The following POLD1 variants were observed in gnomAD, a reference collection of about 807,000 sequenced individuals.
The protein encoded by POLD1 is DNA polymerase delta 1, catalytic subunit, also known as DNA polymerase delta catalytic subunit.
POLD1 carries 79 observed loss-of-function variants against 129.7 expected under a neutral mutation model. That is an observed-to-expected ratio of 0.61 (90% confidence interval 0.51 to 0.73). The LOEUF (loss-of-function observed/expected upper bound fraction) is 0.73. Ranked by LOEUF, POLD1 falls within the 30% of genes least tolerant of loss-of-function variation. The pLI is 0.00. For synonymous variants in POLD1, 714 were observed against 683.3 expected (o/e 1.04, Z -0.70); for missense variants, 1,338 against 1,595.8 (o/e 0.84, Z 2.75).
intron 3 of POLD1, among the ~76,000 whole-genome samples, chr19:50,400,394 T>C (rs2122213767): frequency 6.6e-6 from 1 of 150,630 alleles, no homozygotes; most frequent in East Asian, 2.0e-4. Context: ...CTAATTTTTA[T>C]ATTTTTAGTA....
At chr19:50,399,143 G>A in intron 2 of POLD1, 90 bp downstream of exon 2, 1 of 1,540,904 alleles carries the variant, frequency 6.5e-7, no homozygotes, top group Non-Finnish European at 8.8e-7. Flanking sequence ...GCTGACCTGT[G>A]ACCCCACTCT....
At chr19:50,407,207 C>CA (rs765153237) in intron 13 of POLD1, 33 bp downstream of exon 13, 4 of 1,581,178 alleles carry the variant, frequency 2.5e-6, no homozygotes, top group Non-Finnish European at 3.5e-6. Flanking sequence ...CGCCACCCCC[C>CA]ACCAGGCACG....
chr19:50,386,212 T>C (rs529975278), intron 1 of POLD1, among the ~76,000 whole-genome samples: 15 of 151,976 alleles, frequency 9.9e-5, no homozygotes, highest in Non-Finnish European at 2.1e-4. Context: ...CGATCTCGGC[T>C]CACTAACCTC....
rs372985828 is a variant in POLD1, at chr19:50,402,009, C to G, written c.474C>G (p.Pro158=). The change falls in exon 5 of 27, where the codon CCC becomes CCG. Residue 158 remains proline, a synonymous_variant. Transcript: ENST00000440232. The part of the protein sequence containing the change: ...FYTPAPPGFG[P]EHMGDLQREL... ...TCCCTCCCACACCAGGTTTCGGGCC[C>G]GAGCACATGGGTGACCTGCAACGGG... The G allele has an allele frequency of 8.1e-6, 13 of 1,613,988 alleles. No individual in the cohort carries two copies. In the African/African-American group the frequency reaches 1.5e-4, roughly 18 times the overall value.
chr19:50,389,941 C>T (rs1337274967), intron 1 of POLD1, among the ~76,000 whole-genome samples: 1 of 149,480 alleles, frequency 6.7e-6, no homozygotes, highest in Non-Finnish European at 1.5e-5. Context: ...AACAGAGCCT[C>T]ATTGTCACCC....
At chr19:50,385,277 G>C (rs2123692743) in intron 1 of POLD1, among the ~76,000 whole-genome samples, 1 of 152,314 alleles carries the variant, frequency 6.6e-6, no homozygotes, top group East Asian at 1.9e-4. Context: ...GGCGGAGACA[G>C]GGGGACTGGC....
intron 10 of POLD1, among the ~76,000 whole-genome samples, chr19:50,405,011 C>T (rs1292034313): frequency 6.7e-6 from 1 of 149,102 alleles, no homozygotes; most frequent in Non-Finnish European, 1.5e-5. Context: ...GTGATCTGCC[C>T]ACTTCGGCCT....
intron 1 of POLD1, among the ~76,000 whole-genome samples, chr19:50,398,294 G>A (rs75256967): frequency 0.013 from 1,906 of 152,244 alleles, 29 homozygotes; most frequent in African/African-American, 0.031. Flanking sequence ...TGCCAAGGCC[G>A]GGCGCGGAGA....
chr19:50,403,145 C>T lies in POLD1; in HGVS notation c.1063C>T (p.Leu355Phe), dbSNP rs2122270356. The T allele has an allele frequency of 6.4e-7, 1 of 1,561,176 alleles. No individual in the cohort carries two copies. Among genetic ancestry groups the T allele is most frequent in the South Asian group, 1.2e-5 (1 of 84,758 alleles). The change falls in exon 9 of 27, where the codon CTC (leucine) becomes TTC (phenylalanine). Residue 355 changes from leucine (L) to phenylalanine (F), a missense_variant. Around this residue, in one of 3 missense-constraint regions of POLD1, gnomAD observed 720 missense variants for 1,002.6 expected, o/e 0.72. Transcript: ENST00000440232. ...GCCGGAGCCCTTCCTACGCCTGGCG[C>T]TCACCCTGCGGCCCTGTGCCCCCAT... The part of the protein sequence containing the change: ...GEPEPFLRLA[L>F]TLRPCAPILG...
Position 50,399,365 on chromosome 19 carries a change from C to CG in POLD1, c.203-6_203-5insG, listed in dbSNP as rs1601190307. ...TGTACTCCACTTCCTTCCCTTCCCC[C>CG]ACCAGGGCAGGTCCCACCATCAGCC... is the stretch of plus-strand genomic sequence containing the variant. On this transcript the variant is annotated splice_region_variant and splice_polypyrimidine_tract_variant and intron_variant, in intron 2 of 26. Coordinates refer to ENST00000440232, the MANE Select transcript of POLD1 (RefSeq NM_002691.4). 4 of 1,608,014 alleles carry CG rather than the reference C, an allele frequency of 2.5e-6. No individual in the cohort carries two copies. Among genetic ancestry groups the CG allele is most frequent in the Non-Finnish European group, 3.4e-6 (4 of 1,174,502 alleles).
Position 50,406,229 on chromosome 19 carries a change from C to T in POLD1, c.1290C>T (p.Asn430=), listed in dbSNP as rs1060504348. The change falls in exon 11 of 27, where the codon AAC becomes AAT. Residue 430 remains asparagine (N), a synonymous_variant. Coordinates refer to ENST00000440232, the MANE Select transcript of POLD1 (RefSeq NM_002691.4). This position sits in a 1 kb window ranked among gnomAD's most constrained non-coding sequence, Gnocchi z 5.5. The part of the protein sequence containing the change: ...FLGRVAGLCS[N]IRDSSFQSKQ... ...GCCGTGTGGCCGGCCTTTGCTCCAA[C>T]ATCCGGGACTCTTCATTCCAGTCCA... is the stretch of plus-strand genomic sequence containing the variant. 5 of 1,613,888 alleles carry T rather than the reference C, an allele frequency of 3.1e-6. No individual in the cohort carries two copies. The highest frequency in any genetic ancestry group is 1.3e-5 in the African/African-American group (1 of 74,888).
Position 50,417,881 on chromosome 19 carries a change from G to T in POLD1, c.3258G>T (p.Arg1086=). 1 of 1,611,250 alleles carries T rather than the reference G, an allele frequency of 6.2e-7. No homozygotes were observed. The highest frequency in any genetic ancestry group is 1.1e-5 in the South Asian group (1 of 90,364). Residue 1086 remains arginine, a synonymous_variant, in exon 27 of 27, where the codon CGG becomes CGT. Coordinates refer to ENST00000440232, the MANE Select transcript of POLD1 (RefSeq NM_002691.4). ...CPIFYMRKKV[R]KDLEDQEQLL... ...TCTTCTACATGCGCAAGAAGGTGCG[G>T]AAGGACCTGGAAGACCAGGAGCAGC... is the stretch of plus-strand genomic sequence containing the variant.
At position 50,406,263 on chromosome 19, in the gene POLD1, G is replaced by A. The variant is rs776538587; in HGVS notation, c.1324G>A (p.Gly442Ser). Residue 442 changes from glycine to serine, a missense_variant, in exon 11 of 27, where the codon GGC (glycine) becomes AGC (serine). By Grantham distance (56) the Gly-to-Ser change is moderately conservative. Transcript: ENST00000440232. This position sits in a 1 kb window ranked among gnomAD's most constrained non-coding sequence, Gnocchi z 5.5. ...RDSSFQSKQT[G>S]RRDTKVVSMV... Reference sequence around the variant, plus strand: ...CTCTTCATTCCAGTCCAAGCAGACGGGCCGGCGGGACACCAAGGTTGTCAG... The same window carrying A: ...CTCTTCATTCCAGTCCAAGCAGACGAGCCGGCGGGACACCAAGGTTGTCAG... The A allele has an allele frequency of 1.9e-6, 3 of 1,613,998 alleles. No homozygotes were observed. Among genetic ancestry groups the A allele is most frequent in the Non-Finnish European group, 2.5e-6 (3 of 1,179,994 alleles).
Position 50,402,359 on chromosome 19 carries a change from C to T in POLD1, c.744C>T (p.Val248=), listed in dbSNP as rs746475325. 3.7e-5 allele frequency: 60 copies of T among 1,611,024 alleles called. No homozygotes were observed. The highest frequency in any genetic ancestry group is 4.7e-5 in the Non-Finnish European group (55 of 1,177,772). Residue 248 remains valine (V), a synonymous_variant, in exon 6 of 27, where the codon GTC becomes GTT. Transcript: ENST00000440232. ...GCTTCGCGCCCTACGAGGCCAACGTCGACTTTGAGATCCGGTACGGCCTCT... is the reference window on the plus strand; with the variant it reads ...GCTTCGCGCCCTACGAGGCCAACGTTGACTTTGAGATCCGGTACGGCCTCT... ...TPSFAPYEAN[V]DFEIRFMVDT...
chr19:50,404,187 C>A (rs1394200011), intron 10 of POLD1, among the ~76,000 whole-genome samples: 4 of 152,000 alleles, frequency 2.6e-5, no homozygotes, highest in Non-Finnish European at 5.9e-5. Flanking sequence ...CTCTCCTTGG[C>A]TTGCAGACGG....
intron 22 of POLD1, 49 bp from the exon 23 acceptor site, chr19:50,416,347 C>G (rs2039289060): frequency 6.5e-7 from 1 of 1,540,592 alleles, no homozygotes; most frequent in Non-Finnish European, 8.7e-7. Context: ...CGTGTCCACC[C>G]CGGTGCCCTT....
chr19:50,412,293 C>A (rs2039113367), intron 17 of POLD1, among the ~76,000 whole-genome samples: 1 of 152,168 alleles, frequency 6.6e-6, no homozygotes, highest in South Asian at 2.1e-4. Context: ...GCTGGGATTA[C>A]AGGCACCCGC....
At chr19:50,410,429 G>C (rs1473040758) in intron 17 of POLD1, among the ~76,000 whole-genome samples, 2 of 152,108 alleles carry the variant, frequency 1.3e-5, no homozygotes, top group South Asian at 4.1e-4. Context: ...TGGGTGGAAG[G>C]CTTGGATGAA....
intron 3 of POLD1, among the ~76,000 whole-genome samples, chr19:50,399,879 A>T (rs2038518676): frequency 1.3e-5 from 2 of 150,776 alleles, no homozygotes; most frequent in African/African-American, 4.9e-5. Flanking sequence ...CAGTGGTGTG[A>T]TCTCGGCTCA....
Sources: allele counts gnomAD v4.1 joint callset (sites outside exome capture counted in the v4.1 genomes callset), GRCh38; gene constraint gnomAD v4.1.1; regional missense constraint gnomAD v4.1.1; non-coding constraint Gnocchi (gnomAD v3.1); transcripts MANE v1.5; gene names NCBI Gene and HGNC (gene_info 2026-07-23, HGNC 2026-07-21).